Variants in L3MBTL3 observed in about 807,000 individuals in gnomAD.
The protein encoded by L3MBTL3 is L3MBTL histone methyl-lysine binding protein 3, also known as lethal(3)malignant brain tumor-like protein 3.
A neutral mutation model predicts 102.3 loss-of-function variants in L3MBTL3; 27 were observed. That is an observed-to-expected ratio of 0.26 (90% CI 0.19 to 0.36). L3MBTL3 has a LOEUF of 0.36. Among genes scored for constraint, L3MBTL3 ranks in the 10% least tolerant of loss-of-function variants. L3MBTL3 has a pLI of 1.00. For missense variants in L3MBTL3, 798 were observed against 955.3 expected (o/e 0.84, Z 2.17); for synonymous variants, 340 against 320.9 (o/e 1.06, Z -0.64).
At chr6:130,061,922 C>G (rs1781923417) in intron 10 of L3MBTL3, among the ~76,000 whole-genome samples, 1 of 152,106 alleles carries the variant, frequency 6.6e-6, no homozygotes, top group Admixed American at 6.6e-5. Context: ...GAAGAAGCAG[C>G]AGTGTCAGAT....
chr6:130,028,542 C>T (rs1054773916), intron 2 of L3MBTL3, among the ~76,000 whole-genome samples: 1 of 152,118 alleles, frequency 6.6e-6, no homozygotes, highest in Admixed American at 6.5e-5. Context: ...TAGAGTTTTT[C>T]CTGCCTAAAA....
At chr6:130,023,411 G>C (rs556603264) in intron 2 of L3MBTL3, among the ~76,000 whole-genome samples, 1 of 152,220 alleles carries the variant, frequency 6.6e-6, no homozygotes, top group East Asian at 1.9e-4. Flanking sequence ...AGACAACTAG[G>C]GTTCAAGAAG....
At chr6:130,108,895 C>T (rs1339300628) in intron 19 of L3MBTL3, among the ~76,000 whole-genome samples, 4 of 151,982 alleles carry the variant, frequency 2.6e-5, no homozygotes, top group African/African-American at 4.8e-5. Context: ...TGTGATGTTC[C>T]CCTCCCTGTT....
intron 16 of L3MBTL3, 126 bp downstream of exon 16, chr6:130,086,376 T>G: frequency 1.5e-6 from 1 of 662,042 alleles, no homozygotes; most frequent in Non-Finnish European, 2.7e-6. Context: ...GCAAAATAAT[T>G]GGCTGTGCAT....
intron 10 of L3MBTL3, among the ~76,000 whole-genome samples, chr6:130,065,581 G>C (rs1469139966): frequency 5.3e-5 from 8 of 152,184 alleles, no homozygotes; most frequent in Admixed American, 4.6e-4. Context: ...TCAGGGTTCT[G>C]CAGGACAGAC....
At chr6:130,030,868 T>C (rs1779676666) in intron 2 of L3MBTL3, among the ~76,000 whole-genome samples, 1 of 70,486 alleles carries the variant, frequency 1.4e-5, no homozygotes, top group South Asian at 4.2e-4. Flanking sequence ...TTATCAGTCT[T>C]AAAAAAGTAG....
intron 2 of L3MBTL3, among the ~76,000 whole-genome samples, chr6:130,035,566 A>G (rs763796138): frequency 2.0e-5 from 3 of 152,256 alleles, no homozygotes; most frequent in Non-Finnish European, 4.4e-5. Context: ...TCAGAGTGCA[A>G]TACTTTTGCA....
intron 18 of L3MBTL3, among the ~76,000 whole-genome samples, chr6:130,096,603 C>T (rs142784910): frequency 2.6e-5 from 4 of 152,272 alleles, no homozygotes; most frequent in East Asian, 3.9e-4. Context: ...CAGCAAGGCC[C>T]GTGGTGACAG....
intron 9 of L3MBTL3, among the ~76,000 whole-genome samples, chr6:130,058,473 A>T (rs1213623688): frequency 7.3e-6 from 1 of 137,548 alleles, no homozygotes; most frequent in Non-Finnish European, 1.6e-5. Flanking sequence ...CTCGGCCTCT[A>T]AAAAAAAAAA....
At chr6:130,120,760 T>C in intron 19 of L3MBTL3, 119 bp from the exon 20 acceptor site, 1 of 751,528 alleles carries the variant, frequency 1.3e-6, no homozygotes, top group East Asian at 2.5e-5. Context: ...ATATCCTTTC[T>C]AACACTTTAG....
rs56988012 is a variant in L3MBTL3 at position 130,042,563 on chromosome 6, G to T, written c.-15-122G>T. On this transcript the variant is annotated intron_variant, in intron 2 of 22. Transcript: ENST00000361794. Reference sequence around the variant, plus strand: ...TTGAAGTAGCTGTTTTTAGATCCAGGGATATGGGATATTGTGATCAAGAAA... The same window carrying T: ...TTGAAGTAGCTGTTTTTAGATCCAGTGATATGGGATATTGTGATCAAGAAA... The T allele has an allele frequency of 7.4e-3, 4,008 of 537,988 alleles. 112 individuals are homozygous for T. The highest frequency in any genetic ancestry group is 0.068 in the African/African-American group (3,557 of 52,534). 33.3% of individuals were successfully genotyped at this position (537,988 alleles called of 1,614,324 possible).
chr6:130,034,971 T>A (rs977284138), intron 2 of L3MBTL3, among the ~76,000 whole-genome samples: 9 of 152,214 alleles, frequency 5.9e-5, no homozygotes, highest in African/African-American at 2.2e-4. Context: ...TGTGCATGTA[T>A]AGTTAACGAG....
intron 16 of L3MBTL3, among the ~76,000 whole-genome samples, chr6:130,087,982 T>G (rs761362267): frequency 2.0e-5 from 3 of 152,176 alleles, no homozygotes; most frequent in Non-Finnish European, 4.4e-5. Flanking sequence ...TATATTACTT[T>G]TATAATTAAA....
chr6:130,051,875 G>T (rs1330732397), intron 6 of L3MBTL3, among the ~76,000 whole-genome samples: 1 of 152,194 alleles, frequency 6.6e-6, no homozygotes, highest in African/African-American at 2.4e-5. Flanking sequence ...AGTGAGTTGG[G>T]TCACTGATGA....
At chr6:130,049,573 T>C (rs1780957392) in intron 4 of L3MBTL3, 180 bp downstream of exon 4, 1 of 694,190 alleles carries the variant, frequency 1.4e-6, no homozygotes, top group East Asian at 3.0e-5. Flanking sequence ...AAAATAACTA[T>C]AAACTGTCTT....
intron 10 of L3MBTL3, among the ~76,000 whole-genome samples, chr6:130,064,742 G>A (rs1002652810): frequency 4.6e-5 from 7 of 152,162 alleles, no homozygotes; most frequent in African/African-American, 1.7e-4. Context: ...AGAAGGACGA[G>A]CTAGGTATGA....
intron 16 of L3MBTL3, among the ~76,000 whole-genome samples, chr6:130,089,814 C>T (rs1783925262): frequency 6.8e-6 from 1 of 147,052 alleles, no homozygotes; most frequent in African/African-American, 2.5e-5. Context: ...CTCTGATGAC[C>T]AGTGATGATG....
chr6:130,126,250 TTTG>T (rs1338213127), intron 20 of L3MBTL3, among the ~76,000 whole-genome samples: 2 of 152,130 alleles, frequency 1.3e-5, no homozygotes, highest in Non-Finnish European at 2.9e-5. Flanking sequence ...AAGGTATGGT[TTTG>T]TTTTCCCTTC....
chr6:130,066,772 AATAC>A (rs955219672), intron 11 of L3MBTL3, among the ~76,000 whole-genome samples: 1 of 152,220 alleles, frequency 6.6e-6, no homozygotes, highest in African/African-American at 2.4e-5. Flanking sequence ...TCTATTATTA[AATAC>A]ATACATCTTT....
Sources: gnomAD v4.1 joint callset for allele counts (sites outside exome capture counted in the v4.1 genomes callset) on GRCh38, gnomAD v4.1.1 for gene constraint, MANE v1.5 for transcripts, NCBI Gene and HGNC (gene_info 2026-07-23, HGNC 2026-07-21) for gene names.